Variants in SLC26A9 observed in about 807,000 individuals in gnomAD.
SLC26A9 encodes the protein solute carrier family 26 member 9, also known as anion transporter/exchanger protein 9.
Under a neutral mutation model 87.1 loss-of-function variants are expected in SLC26A9, and 46 were observed. The ratio of observed to expected loss-of-function variants is 0.53; its 90% CI spans 0.42 to 0.67. The LOEUF (loss-of-function observed/expected upper bound fraction) is 0.67, where lower values mean the gene tolerates loss of function less well. Ranked by LOEUF, SLC26A9 falls within the 30% of genes least tolerant of loss-of-function variation. The probability of loss-of-function intolerance (pLI) is 0.00; values close to 1 mark genes in which losing one functional copy is unlikely to be tolerated. For synonymous variants in SLC26A9, 437 were observed against 409.1 expected, an observed-to-expected ratio of 1.07 and a Z score of -0.82; for missense variants, 927 against 1,018.3, an observed-to-expected ratio of 0.91 and a Z score of 1.22.
Position 205,926,592 on chromosome 1 carries a change from G to A in SLC26A9, c.1332C>T (p.Asn444=). Residue 444 remains asparagine, a synonymous_variant, in exon 12 of 21, where the codon AAC becomes AAT. Coordinates refer to ENST00000367135, the MANE Select transcript of SLC26A9 (RefSeq NM_052934.4). ...AGGGGTCGGTGAGTTGCTTGAGGGA[G>A]TTCTTGAGATTGACAGCGATCAGGG... ...LGALIAVNLK[N]SLKQLTDPYY... is the part of the protein sequence containing the mutation. 6.2e-7 allele frequency: 1 copy of A among 1,614,096 alleles called. No individual in the cohort carries two copies. Among genetic ancestry groups the A allele is most frequent in the Non-Finnish European group, 8.5e-7 (1 of 1,180,012 alleles).
chr1:205,927,198 G>T lies in SLC26A9; in HGVS notation c.1293+13C>A. The stretch of plus-strand genomic sequence containing the variant: ...GTCTTTCGTTGACTTCTGCTCGATG[G>T]CTGGGCTCTTACCTTAGGGAGAGGA... On this transcript the variant is annotated intron_variant, in intron 11 of 20. Transcript: ENST00000367135. 6.2e-7 allele frequency: 1 copy of T among 1,613,902 alleles called. No homozygotes were observed. The highest frequency in any genetic ancestry group is 8.5e-7 in the Non-Finnish European group (1 of 1,179,796).
chr1:205,942,433 C>A (rs1267251910), intron 1 of SLC26A9, among the ~76,000 whole-genome samples: 1 of 152,204 alleles, frequency 6.6e-6, no homozygotes, highest in Admixed American at 6.5e-5. Flanking sequence ...TCTCAGTCTG[C>A]CCACTTGGGG....
At chr1:205,916,412 C>T (rs1009912211) in intron 20 of SLC26A9, among the ~76,000 whole-genome samples, 11 of 152,268 alleles carry the variant, frequency 7.2e-5, no homozygotes, top group African/African-American at 2.6e-4. Context: ...TTTTTTAGTT[C>T]TTAAGGCTTG....
intron 6 of SLC26A9, 69 bp from the exon 7 acceptor site, chr1:205,929,425 C>A: frequency 6.4e-7 from 1 of 1,571,528 alleles, no homozygotes; most frequent in Non-Finnish European, 8.6e-7. Flanking sequence ...CTTTGGGTGT[C>A]TGACCCAGGG....
chr1:205,933,327 G>A (rs77937125), intron 2 of SLC26A9, among the ~76,000 whole-genome samples: 204 of 152,284 alleles, frequency 1.3e-3, no homozygotes, highest in African/African-American at 4.6e-3. Context: ...TATAAGACTT[G>A]GCTTAAAGGT....
chr1:205,939,551 G>A (rs1340186284), intron 1 of SLC26A9, among the ~76,000 whole-genome samples: 2 of 152,172 alleles, frequency 1.3e-5, no homozygotes, highest in African/African-American at 4.8e-5. Flanking sequence ...TAGGGGTTGA[G>A]GTGGGGTGGG....
intron 17 of SLC26A9, 43 bp from the exon 18 acceptor site, chr1:205,920,273 T>G (rs1421640128): frequency 4.3e-6 from 7 of 1,611,728 alleles, no homozygotes; most frequent in Non-Finnish European, 5.9e-6. Context: ...GAAAGGAATG[T>G]TCTGAGTGGG....
rs781609174 is a variant in SLC26A9, at chr1:205,914,960, T to A, written c.*397A>T. On this transcript the variant is annotated 3_prime_UTR_variant, in exon 21 of 21. Transcript: ENST00000367135. The stretch of plus-strand genomic sequence containing the variant: ...GGGCTCTGGGACACTTTTTGAAGCT[T>A]GTACAGCAGGCCAGCACAGTTGTAC... The A allele has an allele frequency of 6.2e-7, 1 of 1,614,146 alleles. No homozygotes were observed. Among genetic ancestry groups the A allele is most frequent in the Non-Finnish European group, 8.5e-7 (1 of 1,180,018 alleles).
chr1:205,922,163 G>A (rs1230132250), intron 16 of SLC26A9, among the ~76,000 whole-genome samples: 1 of 152,202 alleles, frequency 6.6e-6, no homozygotes, highest in Admixed American at 6.5e-5. Context: ...TTGAGACAGA[G>A]TCTCCCTCTG....
intron 1 of SLC26A9, among the ~76,000 whole-genome samples, chr1:205,936,628 G>A (rs1659520509): frequency 6.6e-6 from 1 of 152,068 alleles, no homozygotes; most frequent in Admixed American, 6.6e-5. Context: ...TCCAATTACT[G>A]GGTCTCCCAC....
Position 205,923,359 on chromosome 1 carries a change from G to C in SLC26A9, c.1635C>G (p.Ile545Met), listed in dbSNP as rs760234183. The C allele has an allele frequency of 2.5e-6, 4 of 1,614,174 alleles. No homozygotes were observed. Among genetic ancestry groups the C allele is most frequent in the South Asian group, 2.2e-5 (2 of 91,086 alleles). ...CSPLYFANSE[I>M]FRQKVIAKTG... ...CCTTGGCGATGACCTTTTGCCTGAAGATCTCTGAGTTGGCAAAGTAGAGAG... is the reference window on the plus strand; with the variant it reads ...CCTTGGCGATGACCTTTTGCCTGAACATCTCTGAGTTGGCAAAGTAGAGAG... The change falls in exon 15 of 21, where the codon ATC (isoleucine) becomes ATG (methionine). Residue 545 changes from isoleucine to methionine, a missense_variant. Ile to Met is a conservative substitution (Grantham distance 10, BLOSUM62 1). Transcript: ENST00000367135.
At chr1:205,934,449 G>C (rs1659428702) in intron 2 of SLC26A9, among the ~76,000 whole-genome samples, 1 of 152,200 alleles carries the variant, frequency 6.6e-6, no homozygotes, top group Non-Finnish European at 1.5e-5. Context: ...CAACTCATTT[G>C]AGGGCTAGTC....
intron 6 of SLC26A9, 23 bp from the exon 7 acceptor site, chr1:205,929,379 C>T: frequency 6.2e-7 from 1 of 1,610,158 alleles, no homozygotes; most frequent in Non-Finnish European, 8.5e-7. Flanking sequence ...GCATCATGCT[C>T]ACAGGCTCCC....
chr1:205,928,862 C>T lies in SLC26A9; in HGVS notation c.918G>A (p.Lys306=), dbSNP rs750767197. The part of the protein sequence containing the change: ...AISGGCKMPK[K]YHMQIVGEIQ... ...TTTCTCCCACGATCTGCATGTGATA[C>T]TTTTTGGGCATCTTACAGCCCCCGG... The change falls in exon 8 of 21, where the codon AAG becomes AAA. Residue 306 remains lysine, a synonymous_variant. Transcript: ENST00000367135. The T allele has an allele frequency of 3.1e-6, 5 of 1,614,102 alleles. No homozygotes were observed. The highest frequency in any genetic ancestry group is 3.3e-5 in the Admixed American group (2 of 60,026).
At position 205,932,826 on chromosome 1, in the gene SLC26A9, C is replaced by T. The variant is rs374461216; in HGVS notation, c.266-14G>A. 8.1e-5 allele frequency: 129 copies of T among 1,590,336 alleles called. No individual in the cohort carries two copies. The highest frequency in any genetic ancestry group is 3.1e-4 in the African/African-American group (23 of 74,494). On this transcript the variant is annotated splice_polypyrimidine_tract_variant and intron_variant, in intron 3 of 20. Coordinates refer to ENST00000367135, the MANE Select transcript of SLC26A9 (RefSeq NM_052934.4). ...CAAATGCCATGCCTGCAGAGGACAA[C>T]GAGACTGAAGCTCAGCAGCATGACT...
In SLC26A9 at chr1:205,926,684, C is replaced by T. The variant is rs1659082809; in HGVS notation, c.1294-54G>A. On this transcript the variant is annotated intron_variant, in intron 11 of 20. Coordinates refer to ENST00000367135, the MANE Select transcript of SLC26A9 (RefSeq NM_052934.4). ...CCCAGGGTCTCCCCTTCTTTTTGCCCTCCTGCGCATACCCGACCCCAAGGC... is the reference window on the plus strand; with the variant it reads ...CCCAGGGTCTCCCCTTCTTTTTGCCTTCCTGCGCATACCCGACCCCAAGGC... 3 of 1,500,858 alleles carry T rather than the reference C, an allele frequency of 2.0e-6. No individual in the cohort carries two copies. The African/African-American group carries it at 4.1e-5, about 21-fold the overall frequency. The allele number at this position is 1,500,858 out of a possible 1,614,324, so 93.0% of individuals were successfully genotyped here.
At chr1:205,915,607 C>T (rs1328585735) in intron 20 of SLC26A9, among the ~76,000 whole-genome samples, 6 of 151,798 alleles carry the variant, frequency 4.0e-5, no homozygotes, top group South Asian at 2.1e-4. Context: ...ACCAGTCCAG[C>T]GTGGCAGGAG....
intron 7 of SLC26A9, 104 bp downstream of exon 7, chr1:205,929,100 T>C (rs1188202725): frequency 2.1e-5 from 32 of 1,527,142 alleles, no homozygotes; most frequent in Non-Finnish European, 2.8e-5. Context: ...ACTGACTTCC[T>C]GTCCCACTGG....
intron 5 of SLC26A9, among the ~76,000 whole-genome samples, chr1:205,930,610 C>A (rs1374563240): frequency 6.6e-6 from 1 of 152,196 alleles, no homozygotes; most frequent in East Asian, 1.9e-4. Context: ...CAATCAGACC[C>A]AAAGTCGCTG....
Sources: gnomAD v4.1 joint callset for allele counts (sites outside exome capture counted in the v4.1 genomes callset) on GRCh38, gnomAD v4.1.1 for gene constraint, MANE v1.5 for transcripts, NCBI Gene and HGNC (gene_info 2026-07-23, HGNC 2026-07-21) for gene names.